Variants in TMEM117 observed in about 807,000 individuals in gnomAD.
The protein encoded by TMEM117 is transmembrane protein 117.
In TMEM117, 27 loss-of-function variants were observed where a neutral mutation model predicts 52.4. The observed-to-expected ratio is 0.51, with a 90% CI of 0.38 to 0.71. TMEM117 has a LOEUF of 0.71. Among genes scored for constraint, TMEM117 ranks in the 30% least tolerant of loss-of-function variants. The pLI is 0.00. For missense variants in TMEM117, 556 were observed against 630.5 expected (o/e 0.88, Z 1.26); for synonymous variants, 215 against 206.3 (o/e 1.04, Z -0.36).
chr12:43,977,307 C>T (rs972979190), intron 3 of TMEM117, among the ~76,000 whole-genome samples: 18 of 152,054 alleles, frequency 1.2e-4, no homozygotes, highest in Non-Finnish European at 2.4e-4. Context: ...CTGCATCATC[C>T]AGGGCTGCGG....
the TMEM117 span, among the ~76,000 whole-genome samples, chr12:44,395,045 T>C: frequency 6.6e-6 from 1 of 152,224 alleles, no homozygotes; most frequent in Admixed American, 6.5e-5. Context: ...CTAGAAAATA[T>C]CTGCATTTAA....
rs540713532 is a variant in TMEM117 at position 43,905,027 on chromosome 12, C to T, written c.278-39183C>T. ...GCGTGGTGGTGCATGCTTGTAATTC[C>T]AGCTACTTGGGAGGCTGAGGCAGGA... is the stretch of plus-strand genomic sequence containing the variant. On this transcript the variant is annotated intron_variant, in intron 2 of 7. Coordinates refer to ENST00000266534, the MANE Select transcript of TMEM117 (RefSeq NM_032256.3). Among the ~76,000 whole-genome samples the T allele has an allele frequency of 9.9e-5, 15 of 151,910 alleles. 1 individual carries two copies. The South Asian group carries it at 3.1e-3, about 32-fold the overall frequency.
chr12:44,395,361 C>T, the TMEM117 span, among the ~76,000 whole-genome samples: 1 of 152,162 alleles, frequency 6.6e-6, no homozygotes, highest in Non-Finnish European at 1.5e-5. Context: ...TCACTACTGC[C>T]ATGCTGCAAT....
chr12:44,376,567 A>G (rs760811540), intron 6 of TMEM117, 28 bp from the exon 7 acceptor site: 2 of 1,583,666 alleles, frequency 1.3e-6, no homozygotes, highest in Non-Finnish European at 1.7e-6. Flanking sequence ...ACGAATCACA[A>G]ATGTTTTTAT....
chr12:44,043,011 A>C (rs1277000815), intron 3 of TMEM117, among the ~76,000 whole-genome samples: 1 of 152,112 alleles, frequency 6.6e-6, no homozygotes. Flanking sequence ...CCTCAGCGTG[A>C]ATTGTTTAGA....
At chr12:43,797,927 A>T in the TMEM117 span, 34 of 1,269,974 alleles carry the variant, frequency 2.7e-5, no homozygotes, top group South Asian at 4.9e-4. Flanking sequence ...AGTATCATTC[A>T]ACCCTAGCCC....
intron 2 of TMEM117, among the ~76,000 whole-genome samples, chr12:43,886,884 CTT>C (rs1306765949): frequency 6.6e-6 from 1 of 152,098 alleles, no homozygotes; most frequent in Admixed American, 6.6e-5. Context: ...GTCTCTCTCT[CTT>C]GTCTAGACTG....
chr12:44,022,254 AATG>A (rs1175417463), intron 3 of TMEM117, among the ~76,000 whole-genome samples: 1 of 152,220 alleles, frequency 6.6e-6, no homozygotes, highest in Admixed American at 6.5e-5. Context: ...GCTGTAAAAT[AATG>A]ATGATACTAC....
intron 2 of TMEM117, 190 bp downstream of exon 2, chr12:43,845,118 C>A (rs1301520303): frequency 3.4e-6 from 2 of 596,824 alleles, no homozygotes; most frequent in Non-Finnish European, 5.4e-6. Context: ...TTCCTACTGT[C>A]TAAGGAAAAT....
intron 2 of TMEM117, among the ~76,000 whole-genome samples, chr12:43,940,237 C>A (rs1405729504): frequency 6.6e-6 from 1 of 152,170 alleles, no homozygotes; most frequent in African/African-American, 2.4e-5. Context: ...GCTTTAACAA[C>A]CTTCCAGAGG....
chr12:44,018,862 G>A (rs1255932750), intron 3 of TMEM117, among the ~76,000 whole-genome samples: 3 of 151,940 alleles, frequency 2.0e-5, no homozygotes, highest in South Asian at 4.2e-4. Flanking sequence ...TGGAATTACA[G>A]GCACACACCA....
At chr12:44,281,349 T>A (rs1950574658) in intron 5 of TMEM117, among the ~76,000 whole-genome samples, 1 of 152,164 alleles carries the variant, frequency 6.6e-6, no homozygotes. Flanking sequence ...GAAAACATTG[T>A]CTCTTTTAGG....
In TMEM117 at chr12:44,223,979, AT is replaced by A. The variant is rs1462518181; in HGVS notation, c.608+12596del. ...GGCTGTCAATCTACTGCGCTTCCAT[AT>A]TTTATTAACTCTGTGTGGGCTTTTA... On this transcript the variant is annotated intron_variant, in intron 5 of 7. Coordinates refer to ENST00000266534, the MANE Select transcript of TMEM117 (RefSeq NM_032256.3). Among the ~76,000 whole-genome samples, 3 of 152,004 alleles carry A rather than the reference AT, an allele frequency of 2.0e-5. No homozygotes were observed. The East Asian group carries it at 5.8e-4, about 29-fold the overall frequency.
chr12:44,364,069 G>C lies in TMEM117; in HGVS notation c.769-12526G>C, dbSNP rs553604704. Reference sequence around the variant, plus strand: ...TTATATGGGGAAAAACATATTAATTGATTTATGCATATAACATTGCAGATA... The same window carrying C: ...TTATATGGGGAAAAACATATTAATTCATTTATGCATATAACATTGCAGATA... On this transcript the variant is annotated intron_variant, in intron 6 of 7. Coordinates refer to ENST00000266534, the MANE Select transcript of TMEM117 (RefSeq NM_032256.3). Among the ~76,000 whole-genome samples, 3 of 152,192 alleles carry C rather than the reference G, an allele frequency of 2.0e-5. No homozygotes were observed. In the South Asian group the frequency reaches 6.2e-4, roughly 32 times the overall value.
chr12:44,346,817 A>C (rs1951493883), intron 6 of TMEM117, among the ~76,000 whole-genome samples: 1 of 152,056 alleles, frequency 6.6e-6, no homozygotes, highest in African/African-American at 2.4e-5. Flanking sequence ...CATAGGCCAA[A>C]ATATCAGTAA....
intron 1 of TMEM117, among the ~76,000 whole-genome samples, chr12:43,839,268 T>C (rs1179781855): frequency 6.6e-6 from 1 of 152,136 alleles, no homozygotes; most frequent in Non-Finnish European, 1.5e-5. Context: ...CTTTCTGTCA[T>C]ATAAGTCAGA....
At chr12:43,933,975 CT>C (rs771787980) in intron 2 of TMEM117, among the ~76,000 whole-genome samples, 2 of 152,088 alleles carry the variant, frequency 1.3e-5, no homozygotes, top group Non-Finnish European at 2.9e-5. Context: ...AATAATGTTT[CT>C]AATATAATTA....
In TMEM117 at chr12:44,375,946, C is replaced by T. The variant is rs1951935075; in HGVS notation, c.769-649C>T. Among the ~76,000 whole-genome samples the T allele has an allele frequency of 3.9e-5, 6 of 152,162 alleles. No individual in the cohort carries two copies. In the South Asian group the frequency reaches 1.2e-3, roughly 31 times the overall value. On this transcript the variant is annotated intron_variant, in intron 6 of 7. Transcript: ENST00000266534. ...GGAGGGTTGGCCCACCCAGTTTTGC[C>T]TTGACAACCAGGAAATATCTAATGA...
intron 5 of TMEM117, among the ~76,000 whole-genome samples, chr12:44,259,373 T>C (rs908772188): frequency 6.6e-6 from 1 of 152,182 alleles, no homozygotes; most frequent in Non-Finnish European, 1.5e-5. Flanking sequence ...ATGTTTAATA[T>C]GATTATTACA....
Sources: allele counts gnomAD v4.1 joint callset (sites outside exome capture counted in the v4.1 genomes callset), GRCh38; gene constraint gnomAD v4.1.1; transcripts MANE v1.5; gene names NCBI Gene and HGNC (gene_info 2026-07-23, HGNC 2026-07-21).